KHDRBS2: variants seen among roughly 807,000 people sequenced by gnomAD.
KHDRBS2 encodes the protein KH domain-containing, RNA-binding, signal transduction-associated protein 2.
KHDRBS2 carries 26 observed loss-of-function variants against 44.3 expected under a neutral mutation model. That is an observed-to-expected ratio of 0.59 (90% confidence interval 0.43 to 0.81). The LOEUF is 0.81. Among genes scored for constraint, KHDRBS2 ranks in the 40% least tolerant of loss-of-function variants. KHDRBS2 has a pLI of 0.00. For missense variants in KHDRBS2, 476 were observed against 433.1 expected, an observed-to-expected ratio of 1.10 and a Z score of -0.88; for synonymous variants, 194 against 151.1, an observed-to-expected ratio of 1.28 and a Z score of -2.08.
At chr6:61,691,262 T>C (rs1021632302) in intron 8 of KHDRBS2, among the ~76,000 whole-genome samples, 4 of 152,112 alleles carry the variant, frequency 2.6e-5, no homozygotes, top group Admixed American at 6.6e-5. Flanking sequence ...CAAGCATTGA[T>C]GTAGTGGTGC....
intron 6 of KHDRBS2, among the ~76,000 whole-genome samples, chr6:61,801,691 A>T (rs2127589700): frequency 6.6e-6 from 1 of 152,214 alleles, no homozygotes; most frequent in East Asian, 1.9e-4. Context: ...CTGAGTGTTT[A>T]TATATTCCAG....
At chr6:61,903,459 T>C (rs1484834329) in intron 4 of KHDRBS2, among the ~76,000 whole-genome samples, 1 of 152,138 alleles carries the variant, frequency 6.6e-6, no homozygotes, top group Non-Finnish European at 1.5e-5. Context: ...TCAGAAAATA[T>C]AAGAATGTAG....
intron 6 of KHDRBS2, among the ~76,000 whole-genome samples, chr6:61,858,074 A>G (rs1482907071): frequency 1.3e-5 from 2 of 151,936 alleles, no homozygotes; most frequent in African/African-American, 4.8e-5. Context: ...ATCATGGTAT[A>G]GATTTATATT....
At chr6:61,832,287 A>G (rs541312790) in intron 6 of KHDRBS2, among the ~76,000 whole-genome samples, 16 of 152,294 alleles carry the variant, frequency 1.1e-4, no homozygotes, top group African/African-American at 3.6e-4. Context: ...ATTTTTAAAT[A>G]TCACAATAAA....
intron 4 of KHDRBS2, among the ~76,000 whole-genome samples, chr6:61,925,591 GT>G (rs1282771423): frequency 6.6e-6 from 1 of 151,910 alleles, no homozygotes; most frequent in Non-Finnish European, 1.5e-5. Context: ...GTGTGCACCT[GT>G]ACACCTGTAG....
intron 6 of KHDRBS2, among the ~76,000 whole-genome samples, chr6:61,771,760 C>G (rs1367204220): frequency 2.0e-5 from 3 of 152,068 alleles, no homozygotes; most frequent in Non-Finnish European, 4.4e-5. Flanking sequence ...ACCCCACTGT[C>G]AACATTAGAC....
At chr6:62,113,556 C>T (rs908293521) in intron 2 of KHDRBS2, among the ~76,000 whole-genome samples, 2 of 152,060 alleles carry the variant, frequency 1.3e-5, no homozygotes, top group African/African-American at 2.4e-5. Context: ...AATAACAAAC[C>T]TTATCATCTT....
intron 8 of KHDRBS2, among the ~76,000 whole-genome samples, chr6:61,685,765 C>T (rs1311648717): frequency 2.0e-5 from 3 of 151,718 alleles, no homozygotes; most frequent in Non-Finnish European, 2.9e-5. Flanking sequence ...CTATTAAGTG[C>T]TATGCATTTG....
the KHDRBS2 span, among the ~76,000 whole-genome samples, chr6:61,555,405 G>T: frequency 3.9e-5 from 6 of 152,104 alleles, no homozygotes; most frequent in South Asian, 1.0e-3. Context: ...TTCATCTTCT[G>T]TATCATTTAT....
intron 2 of KHDRBS2, among the ~76,000 whole-genome samples, chr6:62,134,876 G>A (rs374836504): frequency 3.0e-4 from 45 of 152,162 alleles, no homozygotes; most frequent in African/African-American, 1.1e-3. Context: ...TACAACGCCT[G>A]TACTCCCATT....
chr6:62,091,013 T>C (rs1360076580), intron 2 of KHDRBS2, among the ~76,000 whole-genome samples: 1 of 152,154 alleles, frequency 6.6e-6, no homozygotes, highest in Non-Finnish European at 1.5e-5. Context: ...GGTGACACTG[T>C]AATTGGGAAT....
At chr6:61,568,626 C>T in the KHDRBS2 span, among the ~76,000 whole-genome samples, 1 of 51,666 alleles carries the variant, frequency 1.9e-5, no homozygotes, top group Non-Finnish European at 3.7e-5. Context: ...TTTGAACATA[C>T]ATCTCACTGG....
Position 61,816,435 on chromosome 6 carries a change from G to C in KHDRBS2, c.810+78200C>G, listed in dbSNP as rs150598428. ...ACATGTGTAGACAGAGGAAGAAACT[G>C]GAGTAATGCAGCTGCAAGCCAAGGA... is the stretch of plus-strand genomic sequence containing the variant. On this transcript the variant is annotated intron_variant, in intron 6 of 8. Coordinates refer to ENST00000281156, the MANE Select transcript of KHDRBS2 (RefSeq NM_152688.4). Among the ~76,000 whole-genome samples, 497 of 152,134 alleles carry C rather than the reference G, an allele frequency of 3.3e-3. 2 individuals are homozygous for C. Among genetic ancestry groups the C allele is most frequent in the Non-Finnish European group, 4.7e-3 (321 of 68,000 alleles).
chr6:61,960,713 T>A (rs77673897), intron 4 of KHDRBS2, among the ~76,000 whole-genome samples: 1 of 152,136 alleles, frequency 6.6e-6, no homozygotes, highest in African/African-American at 2.4e-5. Flanking sequence ...ATTTCCTGCA[T>A]GAAAATGATC....
chr6:62,022,875 C>T (rs920140222), intron 3 of KHDRBS2, among the ~76,000 whole-genome samples: 3 of 151,482 alleles, frequency 2.0e-5, no homozygotes, highest in Admixed American at 6.6e-5. Flanking sequence ...TGTTAATTTG[C>T]CGTGTCACAA....
intron 1 of KHDRBS2, among the ~76,000 whole-genome samples, chr6:62,278,141 G>A (rs115922420): frequency 0.028 from 4,258 of 152,072 alleles, 75 homozygotes; most frequent in Non-Finnish European, 0.045. Context: ...AATATTACAC[G>A]GTTTATAGCT....
At chr6:61,952,435 GACATTTAGA>G (rs1487724657) in intron 4 of KHDRBS2, among the ~76,000 whole-genome samples, 3 of 151,912 alleles carry the variant, frequency 2.0e-5, no homozygotes, top group Non-Finnish European at 1.5e-5. Context: ...TCCCAGTTTG[GACATTTAGA>G]ACTTTTCACT....
the KHDRBS2 span, among the ~76,000 whole-genome samples, chr6:61,649,610 A>C: frequency 6.6e-6 from 1 of 152,202 alleles, no homozygotes; most frequent in Admixed American, 6.5e-5. Context: ...CTGGTACTTC[A>C]ACAATTTTTC....
intron 2 of KHDRBS2, among the ~76,000 whole-genome samples, chr6:62,163,131 G>A (rs531156722): frequency 5.1e-4 from 77 of 152,118 alleles, no homozygotes; most frequent in African/African-American, 1.6e-3. Context: ...ATTAAGTTGC[G>A]TGGAAGAGTA....
Sources: allele counts gnomAD v4.1 joint callset (sites outside exome capture counted in the v4.1 genomes callset), GRCh38; gene constraint gnomAD v4.1.1; transcripts MANE v1.5; gene names NCBI Gene and HGNC (gene_info 2026-07-23, HGNC 2026-07-21).